The following CNTN5 variants were observed in gnomAD, a reference collection of about 807,000 sequenced individuals.
The protein encoded by CNTN5 is contactin-5.
Under a neutral mutation model 129.1 loss-of-function variants are expected in CNTN5, and 77 were observed. The ratio of observed to expected loss-of-function variants is 0.60; its 90% CI spans 0.50 to 0.72. The LOEUF is 0.72. Ranked by LOEUF, CNTN5 falls within the 30% of genes least tolerant of loss-of-function variation. The pLI, the probability that CNTN5 is intolerant of heterozygous loss-of-function variation, is 0.00. For synonymous variants in CNTN5, 509 were observed against 465.6 expected (o/e 1.09, Z -1.20); for missense variants, 1,478 against 1,328.8 (o/e 1.11, Z -1.75).
chr11:99,743,703 C>T (rs146537448), intron 3 of CNTN5, among the ~76,000 whole-genome samples: 23 of 152,094 alleles, frequency 1.5e-4, no homozygotes, highest in Middle Eastern at 3.4e-3. Context: ...CCTCTTAGTA[C>T]GTGTAAAAAG....
At chr11:99,929,126 G>T (rs578009121) in intron 7 of CNTN5, among the ~76,000 whole-genome samples, 1 of 152,218 alleles carries the variant, frequency 6.6e-6, no homozygotes, top group Admixed American at 6.5e-5. Context: ...CTTTATTCCA[G>T]TTCCCAACAA....
chr11:100,285,903 C>T (rs1281740030), intron 18 of CNTN5, among the ~76,000 whole-genome samples: 2 of 152,270 alleles, frequency 1.3e-5, no homozygotes, highest in Admixed American at 6.5e-5. Flanking sequence ...GTGCGCGCAC[C>T]GTGCGCGAGC....
intron 1 of CNTN5, among the ~76,000 whole-genome samples, chr11:99,075,824 C>T (rs558408728): frequency 4.6e-5 from 7 of 151,946 alleles, no homozygotes; most frequent in Non-Finnish European, 8.8e-5. Flanking sequence ...ATGTTGCATG[C>T]GGGAAGTGTT....
chr11:99,847,132 A>G (rs748484501), intron 6 of CNTN5, among the ~76,000 whole-genome samples: 1 of 152,242 alleles, frequency 6.6e-6, no homozygotes, highest in Non-Finnish European at 1.5e-5. Context: ...AGTATTTGAT[A>G]CAAGGTATAC....
chr11:99,897,980 G>A (rs534611426), intron 6 of CNTN5, among the ~76,000 whole-genome samples: 1 of 152,124 alleles, frequency 6.6e-6, no homozygotes, highest in South Asian at 2.1e-4. Flanking sequence ...ACAAGAAAAA[G>A]CAGGTTGAAC....
chr11:100,017,347 C>A (rs997763280), intron 9 of CNTN5, among the ~76,000 whole-genome samples: 1 of 151,946 alleles, frequency 6.6e-6, no homozygotes, highest in Non-Finnish European at 1.5e-5. Flanking sequence ...ATTTAGTAGA[C>A]CCAATGCATA....
chr11:100,148,827 A>G (rs1946946631), intron 13 of CNTN5, among the ~76,000 whole-genome samples: 1 of 150,642 alleles, frequency 6.6e-6, no homozygotes, highest in African/African-American at 2.5e-5. Flanking sequence ...TGCGGTGTAA[A>G]TATTTATTTG....
At chr11:99,372,007 A>G (rs1019370284) in intron 2 of CNTN5, among the ~76,000 whole-genome samples, 2 of 152,236 alleles carry the variant, frequency 1.3e-5, no homozygotes, top group African/African-American at 2.4e-5. Context: ...TATTGACAAT[A>G]CAAGTGGAGC....
At chr11:99,597,819 T>C (rs1950171531) in intron 3 of CNTN5, among the ~76,000 whole-genome samples, 1 of 152,080 alleles carries the variant, frequency 6.6e-6, no homozygotes, top group African/African-American at 2.4e-5. Context: ...CCCCACAGCT[T>C]TCTCCGGTAT....
chr11:99,970,834 T>C (rs1242554395), intron 8 of CNTN5, among the ~76,000 whole-genome samples: 1 of 152,160 alleles, frequency 6.6e-6, no homozygotes. Flanking sequence ...GGCGGTAACA[T>C]TGGGAGGAGC....
intron 18 of CNTN5, among the ~76,000 whole-genome samples, chr11:100,291,012 C>T (rs1244829429): frequency 2.0e-5 from 3 of 150,296 alleles, no homozygotes; most frequent in Admixed American, 2.0e-4. Flanking sequence ...AAAAAATGCT[C>T]ATCATCACTG....
intron 3 of CNTN5, among the ~76,000 whole-genome samples, chr11:99,556,554 A>AATATATATATATATAT (rs199758207): frequency 8.8e-4 from 64 of 72,318 alleles, no homozygotes; most frequent in Non-Finnish European, 1.3e-3. Context: ...AAGGCTTGGA[A>AATATATATATATATAT]ATATATATAT....
rs397848951 is a variant in CNTN5, at chr11:99,375,302, C to CAAAAAAA, written c.-71+49836_-71+49842dup. 9.4e-3 allele frequency among the ~76,000 whole-genome samples: 504 copies of CAAAAAAA among 53,562 alleles called. 40 individuals are homozygous for CAAAAAAA. The highest frequency in any genetic ancestry group is 0.081 in the East Asian group (109 of 1,348). The allele number at this position is 53,562 out of a possible 152,430, so 35.1% of individuals were successfully genotyped here. ...TGGGTGACAGAGTGGGAGTCTGTCT[C>CAAAAAAA]AAAAAAAAAAAAAAAAAAAAAAAAG... On this transcript the variant is annotated intron_variant, in intron 2 of 24. Transcript: ENST00000524871.
intron 4 of CNTN5, among the ~76,000 whole-genome samples, chr11:99,823,616 A>ATTCTTTATT (rs1946866728): frequency 6.6e-6 from 1 of 152,184 alleles, no homozygotes. Context: ...TTTATTCATT[A>ATTCTTTATT]CATTAGAAAT....
At chr11:99,658,165 T>G (rs922294973) in intron 3 of CNTN5, among the ~76,000 whole-genome samples, 7 of 152,114 alleles carry the variant, frequency 4.6e-5, no homozygotes, top group African/African-American at 1.7e-4. Context: ...AAAAAAAAAT[T>G]ACTCAGGTTG....
chr11:100,304,552 G>A (rs1951303211), intron 20 of CNTN5, among the ~76,000 whole-genome samples: 1 of 151,574 alleles, frequency 6.6e-6, no homozygotes, highest in Non-Finnish European at 1.5e-5. Context: ...TGATGACGGG[G>A]GTCTAGATGG....
chr11:100,029,531 C>T (rs1454663610), intron 9 of CNTN5, among the ~76,000 whole-genome samples: 6 of 151,796 alleles, frequency 4.0e-5, no homozygotes, highest in South Asian at 2.1e-4. Context: ...TGCAGTGAGC[C>T]GAGATGGCGC....
At chr11:100,060,599 A>T (rs1943423625) in intron 9 of CNTN5, among the ~76,000 whole-genome samples, 1 of 151,718 alleles carries the variant, frequency 6.6e-6, no homozygotes, top group Non-Finnish European at 1.5e-5. Flanking sequence ...TAATTTTGCC[A>T]AGTTACTGTT....
In CNTN5 at chr11:99,176,281, C is replaced by A. The variant is rs573491880; in HGVS notation, c.-209-149065C>A. Reference sequence around the variant, plus strand: ...GAGGTTAAGAGACATTGAAGACTTTCAGTGCTTAGTCATTAGATTATTCCT... The same window carrying A: ...GAGGTTAAGAGACATTGAAGACTTTAAGTGCTTAGTCATTAGATTATTCCT... On this transcript the variant is annotated intron_variant, in intron 1 of 24. Coordinates refer to ENST00000524871, the MANE Select transcript of CNTN5 (RefSeq NM_014361.4). Among the ~76,000 whole-genome samples, 3 of 152,118 alleles carry A rather than the reference C, an allele frequency of 2.0e-5. No individual in the cohort carries two copies. In the East Asian group the frequency reaches 5.8e-4, roughly 29 times the overall value.
Sources: allele counts gnomAD v4.1 joint callset (sites outside exome capture counted in the v4.1 genomes callset), GRCh38; gene constraint gnomAD v4.1.1; transcripts MANE v1.5; gene names NCBI Gene and HGNC (gene_info 2026-07-23, HGNC 2026-07-21).